The following USP7 variants were observed in gnomAD, a reference collection of about 807,000 sequenced individuals.
USP7 encodes ubiquitin C-terminal hydrolase 7.
Under a neutral mutation model 162.9 loss-of-function variants are expected in USP7, and 9 were observed. The observed-to-expected ratio is 0.06, with a 90% CI of 0.03 to 0.10. USP7 has a LOEUF of 0.10. Among genes scored for constraint, USP7 ranks in the 10% least tolerant of loss-of-function variants. USP7 has a pLI of 1.00. For synonymous variants in USP7, 562 were observed against 475.9 expected (o/e 1.18, Z -2.35); for missense variants, 715 against 1,373.7 (o/e 0.52, Z 7.58).
intron 13 of USP7, among the ~76,000 whole-genome samples, chr16:8,906,153 C>G (rs948647625): frequency 1.3e-5 from 2 of 152,246 alleles, no homozygotes; most frequent in Non-Finnish European, 2.9e-5. Flanking sequence ...CACGAGCATT[C>G]AGAAGAAAAT....
At chr16:8,899,983 C>G in intron 21 of USP7, 1 of 600,400 alleles carries the variant, frequency 1.7e-6, no homozygotes, top group Non-Finnish European at 2.9e-6. Context: ...GCTTTACATT[C>G]TCATCCCACT....
intron 1 of USP7, among the ~76,000 whole-genome samples, chr16:8,957,264 TC>T (rs1899846932): frequency 6.6e-6 from 1 of 152,210 alleles, no homozygotes; most frequent in African/African-American, 2.4e-5. Flanking sequence ...AAACCCTGCT[TC>T]CTCCAACTTT....
intron 1 of USP7, among the ~76,000 whole-genome samples, chr16:8,939,685 T>C (rs35021984): frequency 1.3e-5 from 2 of 152,234 alleles, no homozygotes; most frequent in South Asian, 2.1e-4. Context: ...CATATGTACA[T>C]ATCATGTACA....
intron 4 of USP7, among the ~76,000 whole-genome samples, chr16:8,920,876 G>A (rs1431066597): frequency 6.6e-6 from 1 of 152,208 alleles, no homozygotes; most frequent in African/African-American, 2.4e-5. Flanking sequence ...TACTATGCCT[G>A]AATCATGAAA....
chr16:8,946,915 A>G (rs1317058043), intron 1 of USP7, among the ~76,000 whole-genome samples: 1 of 152,262 alleles, frequency 6.6e-6, no homozygotes, highest in Non-Finnish European at 1.5e-5. Flanking sequence ...TGATGAATCC[A>G]TATTTTCCAA....
intron 2 of USP7, among the ~76,000 whole-genome samples, chr16:8,923,996 A>AG (rs1468992354): frequency 1.3e-5 from 2 of 151,970 alleles, no homozygotes; most frequent in East Asian, 3.9e-4. Context: ...TGGACACCCT[A>AG]GGGGGAATAA....
intron 16 of USP7, 128 bp downstream of exon 16, chr16:8,903,140 C>A: frequency 7.9e-7 from 1 of 1,266,020 alleles, no homozygotes; most frequent in African/African-American, 1.5e-5. Flanking sequence ...CTGGGTCACA[C>A]TCCTCACTGT....
intron 5 of USP7, 102 bp from the exon 6 acceptor site, chr16:8,919,241 G>A: frequency 9.0e-7 from 1 of 1,111,118 alleles, no homozygotes; most frequent in Admixed American, 1.8e-5. Flanking sequence ...AGGAAACCGA[G>A]GCCAGGAACA....
intron 18 of USP7, chr16:8,901,846 G>A: frequency 1.8e-6 from 1 of 545,390 alleles, no homozygotes. Context: ...CAGCAGCTGA[G>A]ACTGAAGACA....
intron 15 of USP7, among the ~76,000 whole-genome samples, chr16:8,903,839 C>T (rs1236312661): frequency 6.7e-6 from 1 of 150,016 alleles, no homozygotes; most frequent in Non-Finnish European, 1.5e-5. Context: ...TGCACTCAAG[C>T]CTGGGCAACA....
Position 8,915,363 on chromosome 16 carries a change from A to C in USP7, c.988-19T>G. ...TATAGGACTGCAAATAAGGAAAGTA[A>C]AAGTGGTTTAACTAGTAATAGTCAA... On this transcript the variant is annotated intron_variant, in intron 9 of 30. Transcript: ENST00000344836. 6.2e-7 allele frequency: 1 copy of C among 1,613,246 alleles called. No homozygotes were observed. Among genetic ancestry groups the C allele is most frequent in the Non-Finnish European group, 8.5e-7 (1 of 1,179,596 alleles).
chr16:8,900,117 T>G lies in USP7; in HGVS notation c.2310-360A>C, dbSNP rs116768762. The stretch of plus-strand genomic sequence containing the variant: ...CAGTCTCTGACCGTGAGTCAGGAAA[T>G]CTGGGCTTTCGTGTGCCATCGAGCC... On this transcript the variant is annotated intron_variant, in intron 21 of 30. Transcript: ENST00000344836. The G allele has an allele frequency of 2.0e-3, 763 of 377,202 alleles. 3 individuals carry two copies. Among genetic ancestry groups the G allele is most frequent in the African/African-American group, 0.015 (698 of 47,684 alleles). 23.4% of individuals were successfully genotyped at this position (377,202 alleles called of 1,614,324 possible). A position where few individuals can be genotyped will look rare whatever the true frequency, so the allele number is the denominator to read the frequency against.
intron 1 of USP7, among the ~76,000 whole-genome samples, chr16:8,950,655 G>A (rs528432577): frequency 6.6e-6 from 1 of 152,278 alleles, no homozygotes; most frequent in South Asian, 2.1e-4. Flanking sequence ...CACGAACATG[G>A]CACTGCTAAT....
At chr16:8,948,731 C>T (rs543463867) in intron 1 of USP7, among the ~76,000 whole-genome samples, 2 of 152,176 alleles carry the variant, frequency 1.3e-5, no homozygotes, top group East Asian at 3.9e-4. Flanking sequence ...CAAAAACAAG[C>T]ATGGACAACA....
At chr16:8,896,945 C>T (rs1385125699) in intron 26 of USP7, 54 bp downstream of exon 26, 3 of 1,379,618 alleles carry the variant, frequency 2.2e-6, no homozygotes, top group Non-Finnish European at 3.1e-6. Context: ...CAGAGGTCAG[C>T]GTTAACTGCC....
chr16:8,894,921 AGCC>A, intron 28 of USP7, 66 bp from the exon 29 acceptor site: 1 of 1,613,706 alleles, frequency 6.2e-7, no homozygotes, highest in Non-Finnish European at 8.5e-7. Flanking sequence ...GTCACGTGGC[AGCC>A]GCCAAAACCA....
intron 1 of USP7, among the ~76,000 whole-genome samples, chr16:8,946,927 C>T (rs569320407): frequency 7.0e-4 from 107 of 152,298 alleles, no homozygotes; most frequent in African/African-American, 2.2e-3. Flanking sequence ...ATTTTCCAAA[C>T]GGCCAATAAA....
At chr16:8,962,574 C>G in intron 1 of USP7, 1 of 388,738 alleles carries the variant, frequency 2.6e-6, no homozygotes, top group Non-Finnish European at 5.3e-6. Context: ...CTGCACCACA[C>G]ACTGCCAAGT....
chr16:8,945,856 G>A (rs1899251459), intron 1 of USP7, among the ~76,000 whole-genome samples: 1 of 151,834 alleles, frequency 6.6e-6, no homozygotes, highest in African/African-American at 2.4e-5. Context: ...TCAGAAACCA[G>A]CCTGGGCAAC....
Sources: allele counts gnomAD v4.1 joint callset (sites outside exome capture counted in the v4.1 genomes callset), GRCh38; gene constraint gnomAD v4.1.1; transcripts MANE v1.5; gene names NCBI Gene and HGNC (gene_info 2026-07-23, HGNC 2026-07-21).